The following HORMAD2 variants were observed in gnomAD, a reference collection of about 807,000 sequenced individuals.
HORMAD2 encodes HORMA domain containing 2, also known as HORMA domain-containing protein 2.
Under a neutral mutation model 38.8 loss-of-function variants are expected in HORMAD2, and 45 were observed. The observed-to-expected ratio is 1.16, with a 90% CI of 0.91 to 1.49. The LOEUF (loss-of-function observed/expected upper bound fraction) is 1.49, where lower values mean the gene tolerates loss of function less well. HORMAD2 is among the 40% of genes most tolerant of loss of function. The pLI is 0.00. For missense variants in HORMAD2, 338 were observed against 367.0 expected (o/e 0.92, Z 0.65); for synonymous variants, 126 against 122.8 (o/e 1.03, Z -0.17).
intron 10 of HORMAD2, among the ~76,000 whole-genome samples, chr22:30,170,656 G>A (rs1926054652): frequency 6.6e-6 from 1 of 151,964 alleles, no homozygotes; most frequent in South Asian, 2.1e-4. Context: ...TTTCTGCCTA[G>A]AATAACCTCC....
rs779550442 is a variant in HORMAD2 at position 30,119,009 on chromosome 22, C to T, written c.372C>T (p.Phe124=). 1 of 1,590,356 alleles carries T rather than the reference C, an allele frequency of 6.3e-7. No individual in the cohort carries two copies. The highest frequency in any genetic ancestry group is 8.6e-7 in the Non-Finnish European group (1 of 1,167,384). The change falls in exon 8 of 11, where the codon TTC becomes TTT. Residue 124 remains phenylalanine (F), a synonymous_variant. Coordinates refer to ENST00000336726, the MANE Select transcript of HORMAD2 (RefSeq NM_152510.4). ...EKVTEMYQFK[F]KYTKEGATMD... is the part of the protein sequence containing the mutation. ...TGACTGAGATGTACCAGTTCAAATT[C>T]AAATACACGAAAGAAGGAGCCACTA...
chr22:30,094,449 C>T (rs2068746806), intron 2 of HORMAD2, among the ~76,000 whole-genome samples: 1 of 152,112 alleles, frequency 6.6e-6, no homozygotes, highest in East Asian at 1.9e-4. Context: ...TTTAGTTTGT[C>T]TCATGACATT....
At chr22:30,150,203 T>A (rs918202623) in intron 10 of HORMAD2, among the ~76,000 whole-genome samples, 11 of 152,130 alleles carry the variant, frequency 7.2e-5, no homozygotes, top group African/African-American at 2.4e-4. Context: ...ATTCGATTTT[T>A]AAAAAAATAA....
the HORMAD2 span, chr22:30,206,847 C>T: frequency 3.2e-6 from 1 of 317,072 alleles, no homozygotes; most frequent in Non-Finnish European, 6.3e-6. Flanking sequence ...GAGGTCTGAG[C>T]CCAGGCTTCC....
rs1224574268 is a variant in HORMAD2, at chr22:30,088,704, A to C, written c.-37-5212A>C. ...TTTAAAAATTAATTTAAAAATTAAA[A>C]AGTAAGTTTTATTAAGTTTTATTAG... is the stretch of plus-strand genomic sequence containing the variant. On this transcript the variant is annotated intron_variant, in intron 1 of 10. Transcript: ENST00000336726. Among the ~76,000 whole-genome samples, 4 of 151,378 alleles carry C rather than the reference A, an allele frequency of 2.6e-5. No homozygotes were observed. The East Asian group carries it at 7.7e-4, about 29-fold the overall frequency.
rs559894090 is a variant in HORMAD2 at position 30,101,557 on chromosome 22, T to C, written c.194-1880T>C. Among the ~76,000 whole-genome samples the C allele has an allele frequency of 6.6e-5, 10 of 152,072 alleles. No homozygotes were observed. In the South Asian group the frequency reaches 2.1e-3, roughly 32 times the overall value. On this transcript the variant is annotated intron_variant, in intron 3 of 10. Transcript: ENST00000336726. Reference sequence around the variant, plus strand: ...CATGGCACATGAACAAACCTGCACTTTCTGCACATGTATTCCAGAACTTAA... The same window carrying C: ...CATGGCACATGAACAAACCTGCACTCTCTGCACATGTATTCCAGAACTTAA...
intron 5 of HORMAD2, among the ~76,000 whole-genome samples, chr22:30,106,989 C>G (rs1009139203): frequency 2.6e-5 from 4 of 152,132 alleles, no homozygotes; most frequent in Non-Finnish European, 5.9e-5. Flanking sequence ...GTCTAGGGAC[C>G]ATAATTTGAA....
chr22:30,112,895 C>T (rs1483259100), intron 7 of HORMAD2, among the ~76,000 whole-genome samples: 1 of 151,862 alleles, frequency 6.6e-6, no homozygotes, highest in African/African-American at 2.4e-5. Flanking sequence ...TTTATTTAAA[C>T]TGATTATGAA....
chr22:30,145,881 A>G (rs1170810840), intron 10 of HORMAD2, among the ~76,000 whole-genome samples: 1 of 152,236 alleles, frequency 6.6e-6, no homozygotes, highest in Non-Finnish European at 1.5e-5. Context: ...AACTCATTTT[A>G]TGAGGCCAGA....
intron 5 of HORMAD2, among the ~76,000 whole-genome samples, chr22:30,106,183 G>T (rs556589900): frequency 6.6e-6 from 1 of 152,128 alleles, no homozygotes; most frequent in African/African-American, 2.4e-5. Flanking sequence ...GCTAATTTTT[G>T]TATTTTTAGT....
intron 1 of HORMAD2, among the ~76,000 whole-genome samples, chr22:30,088,238 CAT>C (rs967076320): frequency 3.4e-5 from 5 of 148,846 alleles, no homozygotes; most frequent in East Asian, 1.9e-4. Flanking sequence ...TATATACACA[CAT>C]ATATACATAT....
In HORMAD2 at chr22:30,144,408, T is replaced by G. The variant is rs144731283; in HGVS notation, c.819+22194T>G. Among the ~76,000 whole-genome samples the G allele has an allele frequency of 4.4e-3, 672 of 152,340 alleles. 6 individuals are homozygous for G. Among genetic ancestry groups the G allele is most frequent in the African/African-American group, 0.015 (635 of 41,580 alleles). On this transcript the variant is annotated intron_variant, in intron 10 of 10. Coordinates refer to ENST00000336726, the MANE Select transcript of HORMAD2 (RefSeq NM_152510.4). Reference sequence around the variant, plus strand: ...TCTACCAATCTCCTTCCAATTGCCTTTTGATACAACCTCCATTGTATTTGA... The same window carrying G: ...TCTACCAATCTCCTTCCAATTGCCTGTTGATACAACCTCCATTGTATTTGA...
chr22:30,092,858 T>A (rs1353643410), intron 1 of HORMAD2, among the ~76,000 whole-genome samples: 2 of 152,188 alleles, frequency 1.3e-5, no homozygotes, highest in African/African-American at 4.8e-5. Flanking sequence ...TATCTCTTTT[T>A]ATACCAGTGC....
At chr22:30,167,674 A>G (rs1306399562) in intron 10 of HORMAD2, among the ~76,000 whole-genome samples, 1 of 152,210 alleles carries the variant, frequency 6.6e-6, no homozygotes, top group Non-Finnish European at 1.5e-5. Context: ...AGGAAAAACA[A>G]TAAATTTGAC....
At chr22:30,160,102 A>G (rs770486455) in intron 10 of HORMAD2, among the ~76,000 whole-genome samples, 3 of 151,936 alleles carry the variant, frequency 2.0e-5, no homozygotes, top group Non-Finnish European at 4.4e-5. Flanking sequence ...GATGTTAGTT[A>G]GAGTTTGTTG....
intron 10 of HORMAD2, among the ~76,000 whole-genome samples, chr22:30,127,452 C>T (rs111662621): frequency 0.045 from 6,907 of 152,130 alleles, 522 homozygotes; most frequent in African/African-American, 0.16. Flanking sequence ...CGTGATCCGC[C>T]CACCTCGGCC....
chr22:30,133,971 T>C (rs5763794), intron 10 of HORMAD2, among the ~76,000 whole-genome samples: 1 of 152,018 alleles, frequency 6.6e-6, no homozygotes, highest in African/African-American at 2.4e-5. Flanking sequence ...CTAGGTGTGC[T>C]TTTTTTCTGC....
intron 10 of HORMAD2, among the ~76,000 whole-genome samples, chr22:30,142,967 T>C (rs1456937460): frequency 6.6e-6 from 1 of 152,184 alleles, no homozygotes; most frequent in East Asian, 1.9e-4. Context: ...TGTCCCTTTT[T>C]GGTATTTTTT....
At chr22:30,096,976 A>G (rs1398199732) in intron 2 of HORMAD2, among the ~76,000 whole-genome samples, 2 of 151,920 alleles carry the variant, frequency 1.3e-5, no homozygotes, top group Non-Finnish European at 2.9e-5. Flanking sequence ...TAGTATATTA[A>G]TGAATGAAGT....
Sources: allele counts gnomAD v4.1 joint callset (sites outside exome capture counted in the v4.1 genomes callset), GRCh38; gene constraint gnomAD v4.1.1; transcripts MANE v1.5; gene names NCBI Gene and HGNC (gene_info 2026-07-23, HGNC 2026-07-21).